KIAA0825: variants seen among roughly 807,000 people sequenced by gnomAD.
KIAA0825 encodes uncharacterized protein KIAA0825.
Under a neutral mutation model 147.6 loss-of-function variants are expected in KIAA0825, and 119 were observed. The observed-to-expected ratio is 0.81, with a 90% CI of 0.69 to 0.94. KIAA0825 has a LOEUF of 0.94. Ranked by LOEUF, KIAA0825 falls within the 40% of genes least tolerant of loss-of-function variation. KIAA0825 has a pLI of 0.00. For synonymous variants in KIAA0825, 470 were observed against 518.1 expected, an observed-to-expected ratio of 0.91 and a Z score of 1.26; for missense variants, 1,381 against 1,472.7, an observed-to-expected ratio of 0.94 and a Z score of 1.02.
chr5:94,469,660 ATTG>A (rs1760979331), intron 10 of KIAA0825, among the ~76,000 whole-genome samples: 1 of 152,204 alleles, frequency 6.6e-6, no homozygotes, highest in South Asian at 2.1e-4. Flanking sequence ...GCATTTTGGC[ATTG>A]TTATCTCTTT....
chr5:94,419,138 G>C (rs1753849375), intron 14 of KIAA0825, among the ~76,000 whole-genome samples: 2 of 151,984 alleles, frequency 1.3e-5, no homozygotes, highest in Non-Finnish European at 2.9e-5. Flanking sequence ...AGCCTCCCAA[G>C]TACTGCAATT....
At chr5:94,608,170 G>C (rs2152431790) in intron 1 of KIAA0825, among the ~76,000 whole-genome samples, 2 of 151,626 alleles carry the variant, frequency 1.3e-5, no homozygotes, top group Admixed American at 1.3e-4. Context: ...AGTACTCATT[G>C]TATTTTTTTC....
chr5:94,562,964 TAAGTC>T (rs2152296302), intron 2 of KIAA0825, among the ~76,000 whole-genome samples: 1 of 152,272 alleles, frequency 6.6e-6, no homozygotes, highest in Non-Finnish European at 1.5e-5. Context: ...TAACAGCTAA[TAAGTC>T]AAATCATAAA....
intron 16 of KIAA0825, among the ~76,000 whole-genome samples, chr5:94,397,612 T>A (rs1475432309): frequency 6.6e-6 from 1 of 152,126 alleles, no homozygotes; most frequent in Non-Finnish European, 1.5e-5. Flanking sequence ...CAACTTTGGG[T>A]TGGATGATCC....
At chr5:94,428,435 G>A (rs1226950480) in intron 14 of KIAA0825, among the ~76,000 whole-genome samples, 1 of 152,106 alleles carries the variant, frequency 6.6e-6, no homozygotes, top group Non-Finnish European at 1.5e-5. Context: ...TTGTAAGGCT[G>A]CTCTGGTGGT....
At chr5:94,503,083 T>C (rs1765283144) in intron 5 of KIAA0825, among the ~76,000 whole-genome samples, 1 of 144,146 alleles carries the variant, frequency 6.9e-6, no homozygotes, top group South Asian at 2.1e-4. Context: ...AATATATATA[T>C]ATATGATATA....
At chr5:94,594,253 G>A (rs1001903159) in intron 1 of KIAA0825, 2 of 614,360 alleles carry the variant, frequency 3.3e-6, no homozygotes, top group Non-Finnish European at 6.4e-6. Flanking sequence ...GAACTAAATA[G>A]ATCAGTCTGC....
intron 12 of KIAA0825, among the ~76,000 whole-genome samples, chr5:94,457,545 G>A (rs547359104): frequency 2.0e-5 from 3 of 152,258 alleles, no homozygotes; most frequent in East Asian, 1.9e-4. Flanking sequence ...CCTTCCTTGC[G>A]TTAGCATCGT....
intron 20 of KIAA0825, among the ~76,000 whole-genome samples, chr5:94,169,618 A>G (rs1768415995): frequency 2.0e-5 from 3 of 150,916 alleles, no homozygotes; most frequent in Admixed American, 6.6e-5. Context: ...ACAACTTTGT[A>G]TGGTTGATGG....
At chr5:94,406,814 G>A (rs1005439780) in intron 15 of KIAA0825, among the ~76,000 whole-genome samples, 2 of 152,166 alleles carry the variant, frequency 1.3e-5, no homozygotes, top group East Asian at 1.9e-4. Context: ...AGCACCCACT[G>A]GAAGAGGTAG....
chr5:94,509,017 C>T (rs1017123267), intron 5 of KIAA0825, among the ~76,000 whole-genome samples: 1 of 152,204 alleles, frequency 6.6e-6, no homozygotes, highest in Non-Finnish European at 1.5e-5. Context: ...TACACAGCTG[C>T]CTGTGACATA....
At chr5:94,613,851 C>T (rs1054207276) in intron 1 of KIAA0825, among the ~76,000 whole-genome samples, 2 of 152,216 alleles carry the variant, frequency 1.3e-5, no homozygotes, top group Non-Finnish European at 2.9e-5. Flanking sequence ...GGGAGGCTAA[C>T]GCCTCATTAT....
chr5:94,323,100 G>A (rs1030704065), intron 20 of KIAA0825, among the ~76,000 whole-genome samples: 2 of 151,714 alleles, frequency 1.3e-5, no homozygotes, highest in African/African-American at 4.8e-5. Context: ...TATGGCTTTC[G>A]AACACACGTT....
chr5:94,592,990 C>T (rs1353785760), intron 1 of KIAA0825: 1 of 602,264 alleles, frequency 1.7e-6, no homozygotes, highest in East Asian at 3.1e-5. Flanking sequence ...ATTTAATATA[C>T]TTTGGAAGCT....
At chr5:94,320,257 A>G (rs767503972) in intron 20 of KIAA0825, among the ~76,000 whole-genome samples, 9 of 152,016 alleles carry the variant, frequency 5.9e-5, no homozygotes, top group Admixed American at 1.3e-4. Flanking sequence ...TGTTACATGC[A>G]TAGAATATGT....
At chr5:94,561,505 G>C (rs1777545599) in intron 2 of KIAA0825, among the ~76,000 whole-genome samples, 1 of 152,150 alleles carries the variant, frequency 6.6e-6, no homozygotes. Context: ...CAGTCTTATG[G>C]GTCTGAGCTC....
rs548843347 is a variant in KIAA0825, at chr5:94,520,173, T to A, written c.970+75A>T. ...ATGTTTGCAGTGAGATTTAACCAAATAGAAAACATCTTAGAAAATTAAACA... is the reference window on the plus strand; with the variant it reads ...ATGTTTGCAGTGAGATTTAACCAAAAAGAAAACATCTTAGAAAATTAAACA... On this transcript the variant is annotated intron_variant, in intron 5 of 20. Transcript: ENST00000682413. 2.6e-5 allele frequency: 37 copies of A among 1,403,034 alleles called. 1 individual carries two copies. The East Asian group carries it at 4.9e-4, about 19-fold the overall frequency. 86.9% of individuals were successfully genotyped at this position (1,403,034 alleles called of 1,614,324 possible). A position where few individuals can be genotyped will look rare whatever the true frequency, so the allele number is the denominator to read the frequency against.
intron 20 of KIAA0825, among the ~76,000 whole-genome samples, chr5:94,318,264 AT>A (rs1243931125): frequency 6.6e-6 from 1 of 151,886 alleles, no homozygotes; most frequent in Non-Finnish European, 1.5e-5. Flanking sequence ...ATATATAAGC[AT>A]TTATAGGTAT....
intron 20 of KIAA0825, among the ~76,000 whole-genome samples, chr5:94,279,966 G>A (rs941518231): frequency 2.0e-5 from 3 of 152,032 alleles, no homozygotes; most frequent in Admixed American, 2.0e-4. Context: ...AGGCCGAAAG[G>A]ACAGCATGAA....
Sources: gnomAD v4.1 joint callset for allele counts (sites outside exome capture counted in the v4.1 genomes callset) on GRCh38, gnomAD v4.1.1 for gene constraint, MANE v1.5 for transcripts, NCBI Gene and HGNC (gene_info 2026-07-23, HGNC 2026-07-21) for gene names.